AMMECR1: variants seen among roughly 807,000 people sequenced by gnomAD.
The protein encoded by AMMECR1 is nuclear protein AMMECR1.
Under a neutral mutation model 22.5 loss-of-function variants are expected in AMMECR1, and 3 were observed. The observed-to-expected ratio is 0.13, with a 90% CI of 0.06 to 0.35. AMMECR1 has a LOEUF of 0.35. Ranked by LOEUF, AMMECR1 falls within the 10% of genes least tolerant of loss-of-function variation. AMMECR1 has a pLI of 1.00. For synonymous variants in AMMECR1, 130 were observed against 116.7 expected, an observed-to-expected ratio of 1.11 and a Z score of -0.74; for missense variants, 235 against 278.7, an observed-to-expected ratio of 0.84 and a Z score of 1.12.
intron 3 of AMMECR1, among the ~76,000 whole-genome samples, 178 bp from the exon 4 acceptor site, chrX:110,202,714 G>A (rs1219215313): frequency 1.8e-5 from 2 of 111,661 alleles, no homozygotes; most frequent in African/African-American, 6.5e-5. Flanking sequence ...TGATGGCCAC[G>A]GAGAGGGAAA....
intron 2 of AMMECR1, among the ~76,000 whole-genome samples, chrX:110,232,118 G>A (rs1158818943): frequency 9.0e-6 from 1 of 110,597 alleles, no homozygotes; most frequent in Non-Finnish European, 1.9e-5. Context: ...GAGACAGAAG[G>A]TTAACAAGGA....
intron 1 of AMMECR1, among the ~76,000 whole-genome samples, chrX:110,299,465 G>A (rs1426682044): frequency 1.8e-5 from 2 of 111,760 alleles, no homozygotes; most frequent in Non-Finnish European, 3.8e-5. Flanking sequence ...ACATTAATGT[G>A]AGAAAAGACA....
chrX:110,243,824 A>C (rs1033476941), intron 2 of AMMECR1, among the ~76,000 whole-genome samples: 1 of 111,763 alleles, frequency 8.9e-6, no homozygotes, highest in Non-Finnish European at 1.9e-5. Flanking sequence ...AAAATATTTA[A>C]TAAGATACAA....
At chrX:110,412,973 GA>G (rs1219241838) in intron 2 of AMMECR1, among the ~76,000 whole-genome samples, 2 of 111,297 alleles carry the variant, frequency 1.8e-5, no homozygotes, top group Non-Finnish European at 3.8e-5. Context: ...GATGTAAAGG[GA>G]AAAAAAAGCT....
At chrX:110,345,070 C>T (rs1373654549) in intron 2 of AMMECR1, among the ~76,000 whole-genome samples, 122 of 112,014 alleles carry the variant, frequency 1.1e-3, no homozygotes, top group African/African-American at 3.8e-3. Context: ...GCACTATTCA[C>T]AATAGCAAAG....
At chrX:110,319,368 G>A (rs868401639), upstream of AMMECR1, among the ~76,000 whole-genome samples, 5 of 111,781 alleles carry the variant, frequency 4.5e-5, no homozygotes, top group Admixed American at 9.4e-5. Flanking sequence ...TTCTACATGC[G>A]TGGGATCTTG....
chrX:110,409,470 A>G (rs1437482042), intron 2 of AMMECR1, among the ~76,000 whole-genome samples: 2 of 111,594 alleles, frequency 1.8e-5, no homozygotes, highest in African/African-American at 3.3e-5. Flanking sequence ...TTTCCAGCTT[A>G]GCTGTACCTC....
At chrX:110,344,772 A>C (rs2068181441) in intron 2 of AMMECR1, among the ~76,000 whole-genome samples, 2 of 111,702 alleles carry the variant, frequency 1.8e-5, no homozygotes, top group South Asian at 7.6e-4. Flanking sequence ...CATCAGAGAA[A>C]TGCAAATCAA....
chrX:110,337,314 T>G (rs1351056731), intron 2 of AMMECR1, among the ~76,000 whole-genome samples: 1 of 112,457 alleles, frequency 8.9e-6, no homozygotes, highest in African/African-American at 3.2e-5. Flanking sequence ...GCTTTAATTA[T>G]TCAAGTTTTC....
chrX:110,390,244 G>C (rs1003879191), intron 2 of AMMECR1, among the ~76,000 whole-genome samples: 2 of 111,966 alleles, frequency 1.8e-5, no homozygotes, highest in African/African-American at 6.5e-5. Flanking sequence ...GGAGTCCCTT[G>C]TAGATCCATG....
intron 1 of AMMECR1, among the ~76,000 whole-genome samples, chrX:110,272,718 C>G (rs1414792922): frequency 9.0e-6 from 1 of 111,724 alleles, no homozygotes; most frequent in Non-Finnish European, 1.9e-5. Flanking sequence ...ATCTTTATGT[C>G]CATGTGTACT....
intron 3 of AMMECR1, among the ~76,000 whole-genome samples, chrX:110,213,167 A>G (rs1449560666): frequency 8.9e-6 from 1 of 112,225 alleles, no homozygotes; most frequent in African/African-American, 3.2e-5. Flanking sequence ...GTGGTATTAA[A>G]TACATTCACA....
At chrX:110,207,926 G>A (rs1031480719) in intron 3 of AMMECR1, among the ~76,000 whole-genome samples, 6 of 111,212 alleles carry the variant, frequency 5.4e-5, no homozygotes, top group Non-Finnish European at 1.1e-4. Context: ...CTTGAAGCCA[G>A]GAGTCTGAGA....
intron 2 of AMMECR1, among the ~76,000 whole-genome samples, chrX:110,239,331 TA>T (rs1332329042): frequency 9.1e-6 from 1 of 110,411 alleles, no homozygotes; most frequent in Non-Finnish European, 1.9e-5. Flanking sequence ...CTAACTAGAA[TA>T]ACCAGTTTAG....
At chrX:110,233,851 T>C (rs2067584314) in intron 2 of AMMECR1, among the ~76,000 whole-genome samples, 1 of 112,227 alleles carries the variant, frequency 8.9e-6, no homozygotes, top group African/African-American at 3.2e-5. Flanking sequence ...GAGCTATTTA[T>C]GACAAACCCA....
chrX:110,365,711 C>T (rs1253766111), intron 2 of AMMECR1, among the ~76,000 whole-genome samples: 2 of 111,766 alleles, frequency 1.8e-5, no homozygotes, highest in Admixed American at 1.9e-4. Flanking sequence ...TTCCTTCTTC[C>T]AGGCAACAAG....
rs1257901857 is a variant in AMMECR1 at position 110,274,518 on chromosome X, T to C, written c.474-9919A>G. On this transcript the variant is annotated intron_variant, in intron 1 of 5. Coordinates refer to ENST00000262844, the MANE Select transcript of AMMECR1 (RefSeq NM_015365.3). ...CCCTCATTCCTCGTAACACTGCCTG[T>C]CCTGAAGTCCAATTCATCTCTTATT... 3.6e-5 allele frequency among the ~76,000 whole-genome samples: 4 copies of C among 112,032 alleles called. No homozygotes were observed. The East Asian group carries it at 1.1e-3, about 31-fold the overall frequency.
intron 2 of AMMECR1, among the ~76,000 whole-genome samples, chrX:110,339,493 T>A (rs1330020979): frequency 1.8e-4 from 20 of 109,658 alleles, no homozygotes; most frequent in South Asian, 3.9e-4. Context: ...TATTTTTATT[T>A]TTATTATTAT....
chrX:110,309,908 A>C (rs934010609), intron 1 of AMMECR1, among the ~76,000 whole-genome samples: 1 of 112,779 alleles, frequency 8.9e-6, no homozygotes, highest in Non-Finnish European at 1.9e-5. Context: ...TCAAGGCTGT[A>C]CTATGATATA....
Sources: gnomAD v4.1 joint callset for allele counts (sites outside exome capture counted in the v4.1 genomes callset) on GRCh38, gnomAD v4.1.1 for gene constraint, MANE v1.5 for transcripts, NCBI Gene and HGNC (gene_info 2026-07-23, HGNC 2026-07-21) for gene names.